Variants in CACNA2D3 observed in about 807,000 individuals in gnomAD.
The protein encoded by CACNA2D3 is voltage-dependent calcium channel subunit alpha-2/delta-3.
In CACNA2D3, 60 loss-of-function variants were observed where a neutral mutation model predicts 160.6. The ratio of observed to expected loss-of-function variants is 0.37; its 90% CI spans 0.30 to 0.46. The LOEUF is 0.46. CACNA2D3 is among the 20% of genes least tolerant of loss of function. The pLI, the probability that CACNA2D3 is intolerant of heterozygous loss-of-function variation, is 1.00. For missense variants in CACNA2D3, 1,205 were observed against 1,365.0 expected (o/e 0.88, Z 1.85); for synonymous variants, 558 against 492.9 (o/e 1.13, Z -1.75).
intron 9 of CACNA2D3, among the ~76,000 whole-genome samples, chr3:54,599,038 C>T (rs537851275): frequency 1.2e-4 from 18 of 152,256 alleles, no homozygotes; most frequent in South Asian, 6.2e-4. Context: ...ATGCAACTAG[C>T]AAGAGGTCCC....
chr3:54,504,728 A>G (rs536154842), intron 5 of CACNA2D3, among the ~76,000 whole-genome samples: 1 of 152,340 alleles, frequency 6.6e-6, no homozygotes, highest in South Asian at 2.1e-4. Context: ...TCAGTAGTCA[A>G]GAGCAAGGGC....
At chr3:54,982,171 A>G (rs527547685) in intron 29 of CACNA2D3, among the ~76,000 whole-genome samples, 92 of 152,294 alleles carry the variant, frequency 6.0e-4, no homozygotes, top group African/African-American at 2.1e-3. Context: ...AGTGCAAGAC[A>G]GATTAATCCA....
intron 11 of CACNA2D3, among the ~76,000 whole-genome samples, chr3:54,648,985 A>G (rs1699705845): frequency 6.6e-6 from 1 of 152,220 alleles, no homozygotes; most frequent in Non-Finnish European, 1.5e-5. Context: ...TCCCACGTCC[A>G]ACATTGGTGG....
At chr3:54,822,790 CCTTTCTTTCTTT>C (rs71096453) in intron 14 of CACNA2D3, among the ~76,000 whole-genome samples, 46 of 71,948 alleles carry the variant, frequency 6.4e-4, no homozygotes, top group Middle Eastern at 5.7e-3. Context: ...TTCTTTCTTT[CCTTTCTTTCTTT>C]CTTTCTTTCT....
At chr3:54,446,476 T>C (rs925961563) in intron 4 of CACNA2D3, among the ~76,000 whole-genome samples, 2 of 152,226 alleles carry the variant, frequency 1.3e-5, no homozygotes, top group African/African-American at 4.8e-5. Context: ...TCCCACACTA[T>C]GCTGCTGCCT....
intron 35 of CACNA2D3, among the ~76,000 whole-genome samples, chr3:55,065,733 G>A (rs1038805842): frequency 6.6e-6 from 1 of 151,656 alleles, no homozygotes; most frequent in African/African-American, 2.4e-5. Flanking sequence ...GGAAGGAAAG[G>A]AAGGAAAGGG....
At chr3:54,719,991 CT>C (rs1311355336) in intron 11 of CACNA2D3, among the ~76,000 whole-genome samples, 2 of 151,822 alleles carry the variant, frequency 1.3e-5, no homozygotes, top group Admixed American at 1.3e-4. Flanking sequence ...TAGGGCCCTT[CT>C]TTTTTCCATT....
intron 35 of CACNA2D3, among the ~76,000 whole-genome samples, chr3:55,026,891 A>G (rs188986294): frequency 6.6e-6 from 1 of 152,320 alleles, no homozygotes; most frequent in Admixed American, 6.5e-5. Context: ...TGATGGGAAA[A>G]ATGACATGGT....
chr3:54,423,558 T>C (rs1201834421), intron 4 of CACNA2D3, among the ~76,000 whole-genome samples: 6 of 152,202 alleles, frequency 3.9e-5, no homozygotes, highest in Non-Finnish European at 8.8e-5. Context: ...AGGGCTTTGT[T>C]GACTGTGGGC....
At chr3:54,171,135 A>ATTTTTTTTTTTTTTTTTTT (rs1700557445) in intron 2 of CACNA2D3, among the ~76,000 whole-genome samples, 2 of 18,754 alleles carry the variant, frequency 1.1e-4, no homozygotes, top group Non-Finnish European at 1.1e-4. Context: ...AAAGATGATG[A>ATTTTTTTTTTTTTTTTTTT]CTTTTTTTTT....
intron 9 of CACNA2D3, among the ~76,000 whole-genome samples, chr3:54,621,376 G>C (rs543498248): frequency 2.6e-5 from 4 of 152,210 alleles, no homozygotes; most frequent in Admixed American, 2.0e-4. Context: ...GGATGTGGCC[G>C]TGCTGCTGGC....
rs373428564 is a variant in CACNA2D3 at position 55,007,314 on chromosome 3, G to A, written c.2767-476G>A. 2.6e-5 allele frequency among the ~76,000 whole-genome samples: 4 copies of A among 152,274 alleles called. No homozygotes were observed. The East Asian group carries it at 5.8e-4, about 22-fold the overall frequency. On this transcript the variant is annotated intron_variant, in intron 32 of 37. Transcript: ENST00000474759. ...AGACAGCTTAAATCCTACATAATTCGTGGACGGCATTAAAATCAGGTGTAT... is the reference window on the plus strand; with the variant it reads ...AGACAGCTTAAATCCTACATAATTCATGGACGGCATTAAAATCAGGTGTAT...
At chr3:54,935,848 A>G (rs1701316006) in intron 27 of CACNA2D3, among the ~76,000 whole-genome samples, 1 of 152,240 alleles carries the variant, frequency 6.6e-6, no homozygotes, top group African/African-American at 2.4e-5. Flanking sequence ...TGATATATAC[A>G]TAGCTTGAAA....
intron 2 of CACNA2D3, among the ~76,000 whole-genome samples, chr3:54,221,815 A>G (rs1347969603): frequency 2.0e-5 from 3 of 152,090 alleles, no homozygotes; most frequent in African/African-American, 7.2e-5. Context: ...TTGTTTTTAA[A>G]ATTATTGTAC....
chr3:54,819,734 A>C (rs1703542126), intron 14 of CACNA2D3, among the ~76,000 whole-genome samples: 1 of 152,128 alleles, frequency 6.6e-6, no homozygotes, highest in Non-Finnish European at 1.5e-5. Flanking sequence ...AGTCCCAGCT[A>C]ATCCAGAGGC....
chr3:54,907,737 C>T (rs1007059648), intron 27 of CACNA2D3, among the ~76,000 whole-genome samples: 3 of 152,086 alleles, frequency 2.0e-5, no homozygotes, highest in Non-Finnish European at 4.4e-5. Context: ...AGCTGAGGTT[C>T]GCAAACTACA....
At chr3:54,814,644 G>GT (rs1703408717) in intron 13 of CACNA2D3, among the ~76,000 whole-genome samples, 1 of 152,198 alleles carries the variant, frequency 6.6e-6, no homozygotes, top group South Asian at 2.1e-4. Context: ...CTTTGTTCTC[G>GT]TAAGTTATTT....
chr3:54,392,050 T>G (rs750466062), intron 4 of CACNA2D3, among the ~76,000 whole-genome samples: 4 of 152,240 alleles, frequency 2.6e-5, no homozygotes, highest in Non-Finnish European at 5.9e-5. Flanking sequence ...GATTGATAGT[T>G]CCAATGAGAA....
chr3:54,900,705 A>G (rs535341472), intron 27 of CACNA2D3, among the ~76,000 whole-genome samples: 24 of 152,340 alleles, frequency 1.6e-4, no homozygotes, highest in African/African-American at 5.3e-4. Flanking sequence ...GTCTCCCTCA[A>G]TAAGTTGTAC....
Sources: gnomAD v4.1 joint callset for allele counts (sites outside exome capture counted in the v4.1 genomes callset) on GRCh38, gnomAD v4.1.1 for gene constraint, MANE v1.5 for transcripts, NCBI Gene and HGNC (gene_info 2026-07-23, HGNC 2026-07-21) for gene names.